The following MCC variants were observed in gnomAD, a reference collection of about 807,000 sequenced individuals.
MCC encodes the protein MCC regulator of Wnt signaling pathway.
MCC carries 90 observed loss-of-function variants against 116.2 expected under a neutral mutation model. The observed-to-expected ratio is 0.77, with a 90% CI of 0.65 to 0.92. The LOEUF (loss-of-function observed/expected upper bound fraction) is 0.92. MCC is among the 40% of genes least tolerant of loss of function. The pLI, the probability that MCC is intolerant of heterozygous loss-of-function variation, is 0.00. For missense variants in MCC, 1,516 were observed against 1,312.2 expected, an observed-to-expected ratio of 1.16 and a Z score of -2.40; for synonymous variants, 578 against 510.5, an observed-to-expected ratio of 1.13 and a Z score of -1.78.
At chr5:113,090,534 G>C (rs757179569) in intron 8 of MCC, among the ~76,000 whole-genome samples, 1 of 152,192 alleles carries the variant, frequency 6.6e-6, no homozygotes, top group Non-Finnish European at 1.5e-5. Context: ...TGGGGCATTG[G>C]CCGAAACAAA....
chr5:113,077,471 G>A (rs1201184357), intron 11 of MCC, among the ~76,000 whole-genome samples: 1 of 152,202 alleles, frequency 6.6e-6, no homozygotes, highest in African/African-American at 2.4e-5. Context: ...AGAACACAGT[G>A]CAATCAAACT....
chr5:113,333,886 T>TGA lies in MCC; in HGVS notation c.627+6632_627+6633insTC, dbSNP rs1343931966. ...GTATATATGTATTCACATATACATG[T>TGA]ATTTATATATCTATATAAATACATT... On this transcript the variant is annotated intron_variant, in intron 3 of 18. Transcript: ENST00000408903. Among the ~76,000 whole-genome samples, 33 of 114,156 alleles carry TGA rather than the reference T, an allele frequency of 2.9e-4. 1 individual carries two copies. Among genetic ancestry groups the TGA allele is most frequent in the Non-Finnish European group, 5.9e-4 (30 of 50,936 alleles). 74.9% of individuals were successfully genotyped at this position (114,156 alleles called of 152,430 possible). A position where few individuals can be genotyped will look rare whatever the true frequency, so the allele number is the denominator to read the frequency against.
intron 3 of MCC, among the ~76,000 whole-genome samples, chr5:113,245,248 C>T (rs1319140405): frequency 2.0e-5 from 3 of 148,770 alleles, no homozygotes; most frequent in Non-Finnish European, 4.4e-5. Flanking sequence ...GCCAAGATCG[C>T]ACCACTGCAT....
chr5:113,412,176 C>CT (rs1188664220), intron 1 of MCC, among the ~76,000 whole-genome samples: 3 of 152,126 alleles, frequency 2.0e-5, no homozygotes. Flanking sequence ...TTACTGTAGC[C>CT]TTATAGTATA....
At chr5:113,433,739 C>A (rs1770742622) in intron 1 of MCC, 2 of 1,610,530 alleles carry the variant, frequency 1.2e-6, no homozygotes, top group South Asian at 2.2e-5. Context: ...AAGAAGCTCA[C>A]TGGGCCCGCG....
intron 11 of MCC, among the ~76,000 whole-genome samples, chr5:113,071,864 C>T (rs1377622024): frequency 6.6e-6 from 1 of 152,110 alleles, no homozygotes; most frequent in African/African-American, 2.4e-5. Flanking sequence ...CCCCTGGTGG[C>T]CTTTAAGTGG....
intron 3 of MCC, among the ~76,000 whole-genome samples, chr5:113,188,631 C>A (rs1762013763): frequency 6.6e-6 from 1 of 152,108 alleles, no homozygotes; most frequent in African/African-American, 2.4e-5. Context: ...ATAAAGAGAC[C>A]AGCCCACATC....
intron 3 of MCC, among the ~76,000 whole-genome samples, chr5:113,250,389 T>A (rs1431142076): frequency 1.3e-5 from 2 of 152,182 alleles, no homozygotes; most frequent in African/African-American, 4.8e-5. Flanking sequence ...AAAGGAGATG[T>A]AGGAAAAACT....
intron 6 of MCC, among the ~76,000 whole-genome samples, chr5:113,121,259 A>C (rs559487188): frequency 6.6e-6 from 1 of 152,292 alleles, no homozygotes; most frequent in South Asian, 2.1e-4. Context: ...ACAGTGATTG[A>C]TTCAAAATGC....
At position 113,025,725 on chromosome 5, in the gene MCC, G is replaced by A. The variant is rs1173179928; in HGVS notation, c.*1577C>T. On this transcript the variant is annotated 3_prime_UTR_variant, in exon 19 of 19. Coordinates refer to ENST00000408903, the MANE Select transcript of MCC (RefSeq NM_001085377.2). ...CTGATACCAGTTGATCTGTTGTTTCGTTTTGGAGATGGGCAGCCTCACTGC... is the reference window on the plus strand; with the variant it reads ...CTGATACCAGTTGATCTGTTGTTTCATTTTGGAGATGGGCAGCCTCACTGC... 7 of 152,042 alleles carry A rather than the reference G, an allele frequency of 4.6e-5. No homozygotes were observed. The highest frequency in any genetic ancestry group is 2.1e-4 in the South Asian group (1 of 4,812). 9.4% of individuals were successfully genotyped at this position (152,042 alleles called of 1,614,324 possible).
intron 3 of MCC, among the ~76,000 whole-genome samples, chr5:113,233,573 C>G (rs1293140777): frequency 6.6e-6 from 1 of 152,146 alleles, no homozygotes; most frequent in African/African-American, 2.4e-5. Context: ...ATGGCTATTT[C>G]TTTGTGATTT....
chr5:113,155,336 C>A (rs114789712), intron 3 of MCC, among the ~76,000 whole-genome samples: 1 of 152,168 alleles, frequency 6.6e-6, no homozygotes, highest in East Asian at 1.9e-4. Context: ...AACAGTGCTG[C>A]GATAAACATG....
Position 113,332,189 on chromosome 5 carries a change from T to C in MCC, c.627+8330A>G, listed in dbSNP as rs1247542184. Among the ~76,000 whole-genome samples, 3 of 151,474 alleles carry C rather than the reference T, an allele frequency of 2.0e-5. No homozygotes were observed. The East Asian group carries it at 5.8e-4, about 29-fold the overall frequency. ...AGTAACTTTCTTTTTTGATGTTTCCTTTATTTTTTGAGACAATGTCTTGCT... is the reference window on the plus strand; with the variant it reads ...AGTAACTTTCTTTTTTGATGTTTCCCTTATTTTTTGAGACAATGTCTTGCT... On this transcript the variant is annotated intron_variant, in intron 3 of 18. Transcript: ENST00000408903.
chr5:113,424,657 G>A (rs1369596498), intron 1 of MCC, among the ~76,000 whole-genome samples: 1 of 152,122 alleles, frequency 6.6e-6, no homozygotes, highest in Non-Finnish European at 1.5e-5. Context: ...AGGTGACAGT[G>A]AGCTGAGATT....
At position 113,245,321 on chromosome 5, in the gene MCC, T is replaced by TC. The variant is rs1168414042; in HGVS notation, c.628-93900dup. On this transcript the variant is annotated intron_variant, in intron 3 of 18. Coordinates refer to ENST00000408903, the MANE Select transcript of MCC (RefSeq NM_001085377.2). Reference sequence around the variant, plus strand: ...AAAAAAAAAAAAAGTAATACTTTTTTCCCACTAAGGTTCAACCCAACCTTG... The same window carrying TC: ...AAAAAAAAAAAAAGTAATACTTTTTTCCCCACTAAGGTTCAACCCAACCTTG... Among the ~76,000 whole-genome samples, 22 of 151,752 alleles carry TC rather than the reference T, an allele frequency of 1.4e-4. No individual in the cohort carries two copies. The East Asian group carries it at 3.3e-3, about 23-fold the overall frequency.
In MCC at chr5:113,071,088, G is replaced by GCCTCGCGCGGTCTT. The variant is rs11283943; in HGVS notation, c.1925+5_1925+6insAAGACCGCGCGAGG. 6.2e-7 allele frequency: 1 copy of GCCTCGCGCGGTCTT among 1,610,570 alleles called. No individual in the cohort carries two copies. ...AGTAGCTCCAAACATCCCAGTGTGT[G>GCCTCGCGCGGTCTT]CCTACCTGTACTGCAAGGCCAGCCT... On this transcript the variant is annotated splice_donor_region_variant and intron_variant, in intron 12 of 18. Transcript: ENST00000408903.
At chr5:113,426,211 T>G (rs10065525) in intron 1 of MCC, among the ~76,000 whole-genome samples, 2,670 of 152,212 alleles carry the variant, frequency 0.018, 33 homozygotes, top group Non-Finnish European at 0.022. Context: ...ACTCACTCCT[T>G]ATCTCCCTCT....
intron 3 of MCC, among the ~76,000 whole-genome samples, chr5:113,190,630 A>C (rs1762110783): frequency 6.6e-6 from 1 of 152,178 alleles, no homozygotes; most frequent in South Asian, 2.1e-4. Flanking sequence ...AACAACTACA[A>C]AACTTAGAAT....
At chr5:113,111,762 G>A (rs1029421720) in intron 6 of MCC, among the ~76,000 whole-genome samples, 15 of 152,190 alleles carry the variant, frequency 9.9e-5, no homozygotes, top group African/African-American at 3.6e-4. Flanking sequence ...CGACGTTGAG[G>A]ACTTACTATA....
Sources: gnomAD v4.1 joint callset for allele counts (sites outside exome capture counted in the v4.1 genomes callset) on GRCh38, gnomAD v4.1.1 for gene constraint, MANE v1.5 for transcripts, NCBI Gene and HGNC (gene_info 2026-07-23, HGNC 2026-07-21) for gene names.